NAV2: variants seen among roughly 807,000 people sequenced by gnomAD.
The protein encoded by NAV2 is neuron navigator 2, also known as helicase, APC down-regulated 1.
NAV2 carries 54 observed loss-of-function variants against 223.2 expected under a neutral mutation model. The observed-to-expected ratio is 0.24, with a 90% CI of 0.19 to 0.30. The LOEUF is 0.30. Among genes scored for constraint, NAV2 ranks in the 10% least tolerant of loss-of-function variants. The pLI, the probability that NAV2 is intolerant of heterozygous loss-of-function variation, is 1.00. For synonymous variants in NAV2, 1,279 were observed against 1,239.3 expected (o/e 1.03, Z -0.67); for missense variants, 2,806 against 3,147.5 (o/e 0.89, Z 2.60).
At chr11:19,945,832 A>G (rs1278573471) in intron 8 of NAV2, among the ~76,000 whole-genome samples, 2 of 152,178 alleles carry the variant, frequency 1.3e-5, no homozygotes, top group Admixed American at 6.5e-5. Flanking sequence ...GAGGACCAGC[A>G]CCTTCCCCAC....
Position 20,048,923 on chromosome 11 carries a change from G to A in NAV2, c.4098G>A (p.Pro1366=), listed in dbSNP as rs372301661. 18 of 1,614,080 alleles carry A rather than the reference G, an allele frequency of 1.1e-5. No homozygotes were observed. Among genetic ancestry groups the A allele is most frequent in the Admixed American group, 3.3e-5 (2 of 60,020 alleles). ...AGAATGTGGACCTCAACCAGTCTCC[G>A]CTAGCCTCCAGCCCCAGCTCAGCCC... ...YSKNVDLNQS[P]LASSPSSAHS... The change falls in exon 15 of 38, where the codon CCG becomes CCA. Residue 1366 remains proline (P), a synonymous_variant. Transcript: ENST00000349880.
intron 10 of NAV2, among the ~76,000 whole-genome samples, chr11:19,962,820 C>G (rs1445577631): frequency 6.6e-6 from 1 of 152,184 alleles, no homozygotes; most frequent in African/African-American, 2.4e-5. Flanking sequence ...AGCCTTCTAC[C>G]TATAAATCAA....
chr11:19,477,889 TC>T (rs2042165773), intron 1 of NAV2, among the ~76,000 whole-genome samples: 1 of 152,144 alleles, frequency 6.6e-6, no homozygotes, highest in Non-Finnish European at 1.5e-5. Context: ...GGAATTAAAT[TC>T]TATACCCTGG....
intron 17 of NAV2, among the ~76,000 whole-genome samples, chr11:20,052,762 A>G (rs1022302733): frequency 6.6e-6 from 1 of 152,218 alleles, no homozygotes; most frequent in African/African-American, 2.4e-5. Context: ...TCTCACTCTG[A>G]TTCTTCCTGT....
At chr11:20,012,842 T>G (rs2053682804) in intron 11 of NAV2, among the ~76,000 whole-genome samples, 1 of 151,810 alleles carries the variant, frequency 6.6e-6, no homozygotes, top group South Asian at 2.1e-4. Context: ...TGATAAAGAG[T>G]AGTTTTAAGC....
chr11:19,834,796 T>G (rs1035680436), intron 2 of NAV2, among the ~76,000 whole-genome samples: 1 of 152,256 alleles, frequency 6.6e-6, no homozygotes, highest in Non-Finnish European at 1.5e-5. Context: ...CCCTCCTGAC[T>G]GTGGGATCAG....
chr11:19,949,097 G>A lies in NAV2; in HGVS notation c.2645+17G>A, dbSNP rs200033175. 872 of 1,564,550 alleles carry A rather than the reference G, an allele frequency of 5.6e-4. 2 individuals carry two copies. The highest frequency in any genetic ancestry group is 2.1e-3 in the Admixed American group (113 of 54,072). On this transcript the variant is annotated intron_variant, in intron 10 of 37. Transcript: ENST00000349880. ...TACAAGCGGGTAAGTACCCGGGGCC[G>A]CCCTTTCTCCCAGAGAGAAAGAGGG...
At chr11:19,419,732 C>T (rs1201712404) in intron 1 of NAV2, among the ~76,000 whole-genome samples, 1 of 152,098 alleles carries the variant, frequency 6.6e-6, no homozygotes, top group African/African-American at 2.4e-5. Context: ...CATCAGAGAT[C>T]CTGCAGTTCA....
intron 10 of NAV2, among the ~76,000 whole-genome samples, chr11:19,950,472 A>G (rs377254838): frequency 4.9e-4 from 75 of 152,358 alleles, no homozygotes; most frequent in African/African-American, 1.8e-3. Flanking sequence ...CATCTTGCCA[A>G]CGTTTTATTG....
At chr11:20,034,372 T>TGTTTG (rs879945697) in intron 11 of NAV2, among the ~76,000 whole-genome samples, 2 of 113,416 alleles carry the variant, frequency 1.8e-5, no homozygotes, top group Non-Finnish European at 1.9e-5. Context: ...GTTTTTTTTT[T>TGTTTG]TTTTTTTGTT....
At chr11:19,564,847 A>G (rs2045218137) in intron 1 of NAV2, among the ~76,000 whole-genome samples, 1 of 152,198 alleles carries the variant, frequency 6.6e-6, no homozygotes, top group East Asian at 1.9e-4. Flanking sequence ...AGTAATAATG[A>G]CACTGGGCCG....
intron 1 of NAV2, among the ~76,000 whole-genome samples, chr11:19,670,074 C>G (rs1485914070): frequency 6.6e-6 from 1 of 152,222 alleles, no homozygotes; most frequent in Admixed American, 6.5e-5. Context: ...CATGCCCACC[C>G]TGCAAGCTAT....
chr11:20,102,079 A>T (rs182687143), intron 32 of NAV2, among the ~76,000 whole-genome samples: 1 of 152,180 alleles, frequency 6.6e-6, no homozygotes. Flanking sequence ...ATGTAGGTGC[A>T]GGACAAGAGA....
intron 1 of NAV2, among the ~76,000 whole-genome samples, chr11:19,397,451 G>A (rs543400679): frequency 6.6e-6 from 1 of 151,104 alleles, no homozygotes; most frequent in Non-Finnish European, 1.5e-5. Context: ...TACTGTTCTT[G>A]TGTCTGCCTC....
chr11:19,523,169 C>T (rs568915454), intron 1 of NAV2, among the ~76,000 whole-genome samples: 3 of 152,218 alleles, frequency 2.0e-5, no homozygotes, highest in Admixed American at 1.3e-4. Flanking sequence ...GCTCTGTTGA[C>T]CATCACTCCA....
chr11:19,748,583 G>T (rs10741798), intron 1 of NAV2, among the ~76,000 whole-genome samples: 2 of 152,066 alleles, frequency 1.3e-5, no homozygotes, highest in Non-Finnish European at 2.9e-5. Flanking sequence ...AATCCCTGGC[G>T]CCTAGCATGG....
At chr11:19,557,234 T>C (rs2044924584) in intron 1 of NAV2, among the ~76,000 whole-genome samples, 1 of 152,220 alleles carries the variant, frequency 6.6e-6, no homozygotes, top group Non-Finnish European at 1.5e-5. Flanking sequence ...AGTGAAGACA[T>C]TGATGCCAGC....
At chr11:19,734,033 T>C (rs1218667994) in intron 1 of NAV2, among the ~76,000 whole-genome samples, 1 of 152,064 alleles carries the variant, frequency 6.6e-6, no homozygotes, top group African/African-American at 2.4e-5. Context: ...TAGAGAGGCA[T>C]AAGGGTCTGA....
chr11:19,868,646 T>G (rs1395753869), intron 3 of NAV2, among the ~76,000 whole-genome samples: 1 of 152,190 alleles, frequency 6.6e-6, no homozygotes, highest in Non-Finnish European at 1.5e-5. Context: ...GTTTTCAGGA[T>G]TGCACTGGTG....
Sources: gnomAD v4.1 joint callset for allele counts (sites outside exome capture counted in the v4.1 genomes callset) on GRCh38, gnomAD v4.1.1 for gene constraint, MANE v1.5 for transcripts, NCBI Gene and HGNC (gene_info 2026-07-23, HGNC 2026-07-21) for gene names.